PDGFRL: variants seen among roughly 807,000 people sequenced by gnomAD.
The protein encoded by PDGFRL is platelet derived growth factor receptor like, also known as platelet-derived growth factor receptor-like protein.
Under a neutral mutation model 37.2 loss-of-function variants are expected in PDGFRL, and 46 were observed. That is an observed-to-expected ratio of 1.24 (90% CI 0.98 to 1.58). The LOEUF is 1.58. Among genes scored for constraint, PDGFRL ranks in the 40% most tolerant of loss-of-function variants. PDGFRL has a pLI of 0.00. For synonymous variants in PDGFRL, 251 were observed against 184.3 expected, an observed-to-expected ratio of 1.36 and a Z score of -2.93; for missense variants, 692 against 467.6, an observed-to-expected ratio of 1.48 and a Z score of -4.43.
At chr8:17,610,639 G>A (rs997717744) in intron 2 of PDGFRL, among the ~76,000 whole-genome samples, 33 of 152,270 alleles carry the variant, frequency 2.2e-4, no homozygotes, top group African/African-American at 7.5e-4. Flanking sequence ...GGCCAGGCGC[G>A]GTGGCTCACA....
chr8:17,641,360 C>A (rs1348084642), intron 5 of PDGFRL, among the ~76,000 whole-genome samples: 1 of 152,202 alleles, frequency 6.6e-6, no homozygotes, highest in East Asian at 1.9e-4. Context: ...TTTCCTTCTC[C>A]CTGTGGTCTT....
At chr8:17,634,845 C>A (rs145786193) in intron 5 of PDGFRL, among the ~76,000 whole-genome samples, 1 of 152,020 alleles carries the variant, frequency 6.6e-6, no homozygotes, top group South Asian at 2.1e-4. Context: ...GGGAGAAGAT[C>A]GGGCAAAATA....
chr8:17,613,753 C>A (rs1804469099), intron 2 of PDGFRL, among the ~76,000 whole-genome samples: 1 of 152,154 alleles, frequency 6.6e-6, no homozygotes, highest in African/African-American at 2.4e-5. Flanking sequence ...GTAGTGTGCA[C>A]TTGTAGTCCA....
intron 5 of PDGFRL, among the ~76,000 whole-genome samples, chr8:17,640,937 C>T (rs965087121): frequency 4.6e-5 from 7 of 151,250 alleles, no homozygotes; most frequent in Non-Finnish European, 1.0e-4. Flanking sequence ...TCTCCTTGGG[C>T]GGGTCTTGCT....
intron 5 of PDGFRL, among the ~76,000 whole-genome samples, chr8:17,639,897 T>C (rs1805055357): frequency 6.6e-6 from 1 of 152,240 alleles, no homozygotes; most frequent in Non-Finnish European, 1.5e-5. Flanking sequence ...TTTCTCCTCT[T>C]CCTCAGGAAC....
chr8:17,641,623 A>G (rs1365754886), intron 5 of PDGFRL, among the ~76,000 whole-genome samples: 1 of 152,228 alleles, frequency 6.6e-6, no homozygotes, highest in Non-Finnish European at 1.5e-5. Context: ...TAGACTTCTC[A>G]TAAAAGCAAT....
chr8:17,642,359 A>C (rs1164657024), intron 5 of PDGFRL, among the ~76,000 whole-genome samples: 1 of 152,222 alleles, frequency 6.6e-6, no homozygotes, highest in Non-Finnish European at 1.5e-5. Flanking sequence ...GATTAAGTAA[A>C]ACCTTACAGA....
intron 3 of PDGFRL, among the ~76,000 whole-genome samples, chr8:17,621,405 G>GTT (rs111351818): frequency 0.13 from 18,328 of 141,254 alleles, 1,542 homozygotes; most frequent in African/African-American, 0.25. Context: ...TATTATTCCT[G>GTT]TTTTTTTTTT....
At chr8:17,641,335 A>G (rs988204563) in intron 5 of PDGFRL, among the ~76,000 whole-genome samples, 8 of 152,166 alleles carry the variant, frequency 5.3e-5, no homozygotes, top group Non-Finnish European at 8.8e-5. Context: ...AATTGTTACA[A>G]AGTTCAGCTA....
At chr8:17,597,550 A>ATT (rs5889723) in intron 2 of PDGFRL, among the ~76,000 whole-genome samples, 19 of 151,546 alleles carry the variant, frequency 1.3e-4, no homozygotes, top group South Asian at 4.2e-4. Context: ...TGCAATATAC[A>ATT]TTTTTTTTTC....
At chr8:17,620,838 A>G (rs1804615322) in intron 2 of PDGFRL, among the ~76,000 whole-genome samples, 1 of 142,298 alleles carries the variant, frequency 7.0e-6, no homozygotes, top group African/African-American at 2.6e-5. Context: ...TTTTTTCCTG[A>G]TTTCTTTTTT....
chr8:17,628,479 C>G lies in PDGFRL; in HGVS notation c.506-8C>G. 6.2e-7 allele frequency: 1 copy of G among 1,611,040 alleles called. No homozygotes were observed. Among genetic ancestry groups the G allele is most frequent in the Non-Finnish European group, 8.5e-7 (1 of 1,177,226 alleles). Reference sequence around the variant, plus strand: ...GTGAATAAGCCTGTGTCTTCCTTCCCTTTGCAGAGAAAGGAGAACTCTTTG... The same window carrying G: ...GTGAATAAGCCTGTGTCTTCCTTCCGTTTGCAGAGAAAGGAGAACTCTTTG... On this transcript the variant is annotated splice_region_variant and splice_polypyrimidine_tract_variant and intron_variant, in intron 3 of 5. Coordinates refer to ENST00000251630, the MANE Select transcript of PDGFRL (RefSeq NM_001372073.1).
intron 4 of PDGFRL, among the ~76,000 whole-genome samples, chr8:17,633,520 T>C (rs981530615): frequency 6.6e-6 from 1 of 152,176 alleles, no homozygotes; most frequent in African/African-American, 2.4e-5. Flanking sequence ...AGAGACCCCA[T>C]TTCTAAATAA....
chr8:17,616,342 G>A (rs1804527763), intron 2 of PDGFRL, among the ~76,000 whole-genome samples: 1 of 152,038 alleles, frequency 6.6e-6, no homozygotes, highest in African/African-American at 2.4e-5. Flanking sequence ...CTACAGGCAT[G>A]CACCACCGCG....
chr8:17,589,822 T>C (rs1803896709), intron 2 of PDGFRL, 57 bp downstream of exon 2: 4 of 1,014,700 alleles, frequency 3.9e-6, no homozygotes, highest in Non-Finnish European at 2.9e-6. Flanking sequence ...GTTAACAAAA[T>C]TCCTTCTTAA....
At chr8:17,605,650 T>C (rs984000030) in intron 2 of PDGFRL, among the ~76,000 whole-genome samples, 3 of 152,112 alleles carry the variant, frequency 2.0e-5, no homozygotes, top group Non-Finnish European at 4.4e-5. Context: ...CAAGGAGACG[T>C]TGGAGATTTC....
intron 2 of PDGFRL, among the ~76,000 whole-genome samples, chr8:17,610,345 C>T (rs1359586928): frequency 1.3e-5 from 2 of 152,084 alleles, no homozygotes; most frequent in African/African-American, 4.8e-5. Flanking sequence ...TCCATAAATC[C>T]GGAATCCGAA....
intron 4 of PDGFRL, among the ~76,000 whole-genome samples, chr8:17,631,442 G>C (rs1355083125): frequency 9.2e-5 from 14 of 152,080 alleles, no homozygotes; most frequent in Admixed American, 7.9e-4. Context: ...CATGCCTCGT[G>C]TTCTCAGCCA....
chr8:17,589,954 G>A (rs1223825821), intron 2 of PDGFRL, among the ~76,000 whole-genome samples, 189 bp downstream of exon 2: 7 of 151,922 alleles, frequency 4.6e-5, no homozygotes, highest in East Asian at 1.9e-4. Flanking sequence ...ATTGCAGGCC[G>A]GGTGCGGTGG....
Sources: gnomAD v4.1 joint callset for allele counts (sites outside exome capture counted in the v4.1 genomes callset) on GRCh38, gnomAD v4.1.1 for gene constraint, MANE v1.5 for transcripts, NCBI Gene and HGNC (gene_info 2026-07-23, HGNC 2026-07-21) for gene names.